The following OR2A42 variants were observed in gnomAD, a reference collection of about 807,000 sequenced individuals.
OR2A42 encodes olfactory receptor 2A1/2A42.
For synonymous variants in OR2A42, 5 were observed against 46.4 expected, an observed-to-expected ratio of 0.11 and a Z score of 3.63; for missense variants, 3 against 104.1, an observed-to-expected ratio of 0.03 and a Z score of 4.23.
intron 2 of OR2A42, among the ~76,000 whole-genome samples, chr7:144,235,527 G>T (rs1343426349): frequency 2.6e-5 from 4 of 152,048 alleles, no homozygotes; most frequent in African/African-American, 7.3e-5. Context: ...TCTCACTTTT[G>T]TAATCCTGAC....
chr7:144,237,873 G>T (rs1257047279), intron 2 of OR2A42, among the ~76,000 whole-genome samples: 1 of 148,248 alleles, frequency 6.7e-6, no homozygotes, highest in Non-Finnish European at 1.5e-5. Context: ...ACATTTATTA[G>T]TTATATGACC....
intron 2 of OR2A42, among the ~76,000 whole-genome samples, chr7:144,238,145 A>G (rs2052455629): frequency 1.9e-5 from 2 of 107,816 alleles, no homozygotes; most frequent in East Asian, 4.0e-4. Context: ...CCTTAAAACC[A>G]TGATCCTCTA....
rs1190341221 is a variant in OR2A42 at position 144,228,252 on chromosome 7, TTATTGAG to T, written c.*3652_*3658del. The T allele has an allele frequency of 7.3e-6, 1 of 137,086 alleles. No individual in the cohort carries two copies. Among genetic ancestry groups the T allele is most frequent in the Non-Finnish European group, 1.6e-5 (1 of 62,896 alleles). 8.5% of individuals were successfully genotyped at this position (137,086 alleles called of 1,614,324 possible). A position where few individuals can be genotyped will look rare whatever the true frequency, so the allele number is the denominator to read the frequency against. On this transcript the variant is annotated 3_prime_UTR_variant, in exon 3 of 3. Coordinates refer to ENST00000641810, the MANE Select transcript of OR2A42 (RefSeq NM_001001802.3). The stretch of plus-strand genomic sequence containing the variant: ...ACTCATTTGTTCATTTAGTCAAAGT[TTATTGAG>T]TGTCTACTATGAACAGGCCTGTTGC...
In OR2A42 at chr7:144,228,574, G is replaced by A. The variant is rs1363807924; in HGVS notation, c.*3337C>T. 3 of 122,540 alleles carry A rather than the reference G, an allele frequency of 2.4e-5. No individual in the cohort carries two copies. Among genetic ancestry groups the A allele is most frequent in the African/African-American group, 8.9e-5 (3 of 33,738 alleles). 7.6% of individuals were successfully genotyped at this position (122,540 alleles called of 1,614,324 possible). A position where few individuals can be genotyped will look rare whatever the true frequency, so the allele number is the denominator to read the frequency against. On this transcript the variant is annotated 3_prime_UTR_variant, in exon 3 of 3. Transcript: ENST00000641810. Reference sequence around the variant, plus strand: ...TATCAGCTACAATTAAATTTCTACTGTAGTATGACCTAAAATTAGAGGGAT... The same window carrying A: ...TATCAGCTACAATTAAATTTCTACTATAGTATGACCTAAAATTAGAGGGAT...
chr7:144,235,389 CAAG>C (rs2052414524), intron 2 of OR2A42, among the ~76,000 whole-genome samples: 1 of 151,504 alleles, frequency 6.6e-6, no homozygotes, highest in Non-Finnish European at 1.5e-5. Flanking sequence ...GATGGAGAGT[CAAG>C]AAGAAAGGAG....
rs568153122 is a variant in OR2A42 at position 144,229,918 on chromosome 7, A to G, written c.*1993T>C. The G allele has an allele frequency of 6.6e-5, 10 of 151,962 alleles. No homozygotes were observed. The East Asian group carries it at 1.9e-3, about 29-fold the overall frequency. 9.4% of individuals were successfully genotyped at this position (151,962 alleles called of 1,614,324 possible). Reference sequence around the variant, plus strand: ...GCCTCAGCCTCCCGAATAGCTGGGGATGTAGGCACACGTTGCCATGCCCGG... The same window carrying G: ...GCCTCAGCCTCCCGAATAGCTGGGGGTGTAGGCACACGTTGCCATGCCCGG... On this transcript the variant is annotated 3_prime_UTR_variant, in exon 3 of 3. Transcript: ENST00000641810.
At chr7:144,237,853 G>A in intron 2 of OR2A42, among the ~76,000 whole-genome samples, 1 of 148,928 alleles carries the variant, frequency 6.7e-6, no homozygotes, top group Middle Eastern at 3.5e-3. Flanking sequence ...TGGGCTTAGT[G>A]GTCAGATGCA....
rs1473666745 is a variant in OR2A42 at position 144,238,548 on chromosome 7, G to A, written c.-121C>T. ...GTTAGCTCCCACATTTGGACTCAAG[G>A]ATCTCAGAAGAGTGAAGCACCTGAA... On this transcript the variant is annotated 5_prime_UTR_variant, in exon 2 of 3. Coordinates refer to ENST00000641810, the MANE Select transcript of OR2A42 (RefSeq NM_001001802.3). The A allele has an allele frequency of 1.3e-5, 2 of 150,212 alleles. No homozygotes were observed. The highest frequency in any genetic ancestry group is 3.0e-5 in the Non-Finnish European group (2 of 67,316). 9.3% of individuals were successfully genotyped at this position (150,212 alleles called of 1,614,324 possible).
At chr7:144,235,216 C>G (rs1486467197) in intron 2 of OR2A42, among the ~76,000 whole-genome samples, 11 of 147,328 alleles carry the variant, frequency 7.5e-5, no homozygotes, top group Admixed American at 6.1e-4. Flanking sequence ...CTCAGCCTCC[C>G]AAAGTGCTGG....
rs200716041 is a variant in OR2A42, at chr7:144,230,435, T to A, written c.*1476A>T. 1 of 106,012 alleles carries A rather than the reference T, an allele frequency of 9.4e-6. No individual in the cohort carries two copies. The highest frequency in any genetic ancestry group is 2.0e-5 in the Non-Finnish European group (1 of 50,938). 6.6% of individuals were successfully genotyped at this position (106,012 alleles called of 1,614,324 possible). On this transcript the variant is annotated 3_prime_UTR_variant, in exon 3 of 3. Coordinates refer to ENST00000641810, the MANE Select transcript of OR2A42 (RefSeq NM_001001802.3). ...TCGCCTAAAAATAGTAGTAATAGTCTCTACCTCATAGGGTTTTTATGAGGA... is the reference window on the plus strand; with the variant it reads ...TCGCCTAAAAATAGTAGTAATAGTCACTACCTCATAGGGTTTTTATGAGGA...
Position 144,238,543 on chromosome 7 carries a change from T to C in OR2A42, c.-116A>G, listed in dbSNP as rs1346907049. 1.3e-5 allele frequency: 2 copies of C among 150,278 alleles called. No homozygotes were observed. Among genetic ancestry groups the C allele is most frequent in the Admixed American group, 6.6e-5 (1 of 15,182 alleles). 9.3% of individuals were successfully genotyped at this position (150,278 alleles called of 1,614,324 possible). On this transcript the variant is annotated 5_prime_UTR_variant, in exon 2 of 3. Coordinates refer to ENST00000641810, the MANE Select transcript of OR2A42 (RefSeq NM_001001802.3). Reference sequence around the variant, plus strand: ...ACCTGGTTAGCTCCCACATTTGGACTCAAGGATCTCAGAAGAGTGAAGCAC... The same window carrying C: ...ACCTGGTTAGCTCCCACATTTGGACCCAAGGATCTCAGAAGAGTGAAGCAC...
intron 2 of OR2A42, among the ~76,000 whole-genome samples, chr7:144,236,507 G>A (rs1163388090): frequency 7.0e-6 from 1 of 143,642 alleles, no homozygotes. Context: ...GCACATGCCT[G>A]TAGTTCTACC....
In OR2A42 at chr7:144,229,727, A is replaced by G. The variant is rs1164621311; in HGVS notation, c.*2184T>C. ...TTTAAAAACTGTTCGGCAGCAATGG[A>G]ATTACAAATTGTATATCCAGTTTGG... On this transcript the variant is annotated 3_prime_UTR_variant, in exon 3 of 3. Transcript: ENST00000641810. 2.0e-5 allele frequency: 3 copies of G among 150,562 alleles called. No individual in the cohort carries two copies. Among genetic ancestry groups the G allele is most frequent in the Non-Finnish European group, 4.5e-5 (3 of 67,264 alleles). The allele number at this position is 150,562 out of a possible 1,614,324, so 9.3% of individuals were successfully genotyped here.
chr7:144,234,755 C>T (rs2052403539), intron 2 of OR2A42, among the ~76,000 whole-genome samples: 1 of 107,964 alleles, frequency 9.3e-6, no homozygotes, highest in Non-Finnish European at 1.8e-5. Context: ...TGATTATTAT[C>T]AGCAAGACAC....
intron 2 of OR2A42, among the ~76,000 whole-genome samples, chr7:144,235,005 G>A (rs1163513413): frequency 6.8e-6 from 1 of 146,334 alleles, no homozygotes; most frequent in African/African-American, 2.6e-5. Flanking sequence ...CCTGGAATGC[G>A]GTGGTGTGAT....
intron 2 of OR2A42, among the ~76,000 whole-genome samples, chr7:144,237,662 A>G (rs2052448477): frequency 6.6e-6 from 1 of 150,758 alleles, no homozygotes; most frequent in African/African-American, 2.4e-5. Context: ...AATACATTTG[A>G]CTATATATTG....
chr7:144,229,749 T>C lies in OR2A42; in HGVS notation c.*2162A>G, dbSNP rs2052347415. Reference sequence around the variant, plus strand: ...TGGAATTACAAATTGTATATCCAGTTTGGGTAATTTTAAAAAATTTAATAA... The same window carrying C: ...TGGAATTACAAATTGTATATCCAGTCTGGGTAATTTTAAAAAATTTAATAA... On this transcript the variant is annotated 3_prime_UTR_variant, in exon 3 of 3. Coordinates refer to ENST00000641810, the MANE Select transcript of OR2A42 (RefSeq NM_001001802.3). 1 of 150,484 alleles carries C rather than the reference T, an allele frequency of 6.6e-6. No homozygotes were observed. Among genetic ancestry groups the C allele is most frequent in the Non-Finnish European group, 1.5e-5 (1 of 67,166 alleles). 9.3% of individuals were successfully genotyped at this position (150,484 alleles called of 1,614,324 possible). A position where few individuals can be genotyped will look rare whatever the true frequency, so the allele number is the denominator to read the frequency against.
At chr7:144,235,884 AAAG>A (rs1427596595) in intron 2 of OR2A42, among the ~76,000 whole-genome samples, 3 of 151,812 alleles carry the variant, frequency 2.0e-5, no homozygotes, top group Non-Finnish European at 4.4e-5. Flanking sequence ...GACCATGTTG[AAAG>A]AAGAAGAATT....
chr7:144,236,295 A>G (rs1463765914), intron 2 of OR2A42, among the ~76,000 whole-genome samples: 1 of 142,498 alleles, frequency 7.0e-6, no homozygotes, highest in Non-Finnish European at 1.5e-5. Flanking sequence ...GGTCAAGTAA[A>G]GTATTAGATG....
Sources: allele counts gnomAD v4.1 joint callset (sites outside exome capture counted in the v4.1 genomes callset), GRCh38; gene constraint gnomAD v4.1.1; transcripts MANE v1.5; gene names NCBI Gene and HGNC (gene_info 2026-07-23, HGNC 2026-07-21).